Variants in RAI14 observed in about 807,000 individuals in gnomAD.
The protein encoded by RAI14 is ankycorbin.
A neutral mutation model predicts 115.4 loss-of-function variants in RAI14; 45 were observed. That is an observed-to-expected ratio of 0.39 (90% confidence interval 0.31 to 0.50). The LOEUF is 0.50. Among genes scored for constraint, RAI14 ranks in the 20% least tolerant of loss-of-function variants. The pLI, the probability that RAI14 is intolerant of heterozygous loss-of-function variation, is 0.85. For missense variants in RAI14, 939 were observed against 1,131.2 expected (o/e 0.83, Z 2.44); for synonymous variants, 371 against 415.4 (o/e 0.89, Z 1.30).
chr5:34,822,794 T>C (rs1033604956), intron 14 of RAI14, among the ~76,000 whole-genome samples, 162 bp from the exon 15 acceptor site: 1 of 147,250 alleles, frequency 6.8e-6, no homozygotes. Flanking sequence ...CGCCATTCTC[T>C]TGCCTCAGCC....
At chr5:34,705,656 AT>A (rs1235116912) in intron 2 of RAI14, among the ~76,000 whole-genome samples, 1 of 151,378 alleles carries the variant, frequency 6.6e-6, no homozygotes, top group African/African-American at 2.4e-5. Context: ...TTTTCTTTTT[AT>A]TTTTTTTGTG....
At chr5:34,773,794 T>C (rs986277776) in intron 3 of RAI14, among the ~76,000 whole-genome samples, 7 of 152,142 alleles carry the variant, frequency 4.6e-5, no homozygotes. Context: ...ACTCATACAC[T>C]GTTGGTGGGA....
chr5:34,771,648 C>T (rs1324641787), intron 3 of RAI14, among the ~76,000 whole-genome samples: 1 of 152,134 alleles, frequency 6.6e-6, no homozygotes, highest in Non-Finnish European at 1.5e-5. Flanking sequence ...AGCCTTGTCC[C>T]ATGGTATTTA....
intron 3 of RAI14, 39 bp from the exon 4 acceptor site, chr5:34,795,900 T>C: frequency 6.6e-7 from 1 of 1,525,798 alleles, no homozygotes; most frequent in African/African-American, 1.4e-5. Context: ...CATTAAAGAG[T>C]AGAAATCTCA....
chr5:34,830,781 A>C lies in RAI14; in HGVS notation c.*16A>C. On this transcript the variant is annotated 3_prime_UTR_variant, in exon 18 of 18. Transcript: ENST00000265109. ...AAAGAAGTAAAGTGGATTCCTTGGC[A>C]GGACACTGCCCCTTGTCATCTGTCT... The C allele has an allele frequency of 6.2e-7, 1 of 1,613,920 alleles. No individual in the cohort carries two copies. Among genetic ancestry groups the C allele is most frequent in the South Asian group, 1.1e-5 (1 of 91,044 alleles).
chr5:34,665,367 C>G (rs1201516901), intron 1 of RAI14, among the ~76,000 whole-genome samples: 1 of 150,624 alleles, frequency 6.6e-6, no homozygotes, highest in Non-Finnish European at 1.5e-5. Context: ...CTGTCCAGTT[C>G]CTTTTGCTGG....
At chr5:34,736,929 C>A (rs1744949767) in intron 2 of RAI14, among the ~76,000 whole-genome samples, 1 of 152,162 alleles carries the variant, frequency 6.6e-6, no homozygotes, top group African/African-American at 2.4e-5. Context: ...AGCCAGGCTG[C>A]ACAGCAGGAG....
At chr5:34,776,798 C>CTCCGTCT (rs200849101) in intron 3 of RAI14, among the ~76,000 whole-genome samples, 13 of 146,692 alleles carry the variant, frequency 8.9e-5, no homozygotes, top group Non-Finnish European at 1.2e-4. Flanking sequence ...CAGAGTGAGA[C>CTCCGTCT]CCTTTATTAA....
chr5:34,658,139 T>C (rs1561215629), intron 1 of RAI14, among the ~76,000 whole-genome samples: 1 of 152,152 alleles, frequency 6.6e-6, no homozygotes, highest in Non-Finnish European at 1.5e-5. Context: ...TTTATGGCTT[T>C]TTGGAGATGG....
At chr5:34,747,063 T>G (rs113847059) in intron 2 of RAI14, among the ~76,000 whole-genome samples, 451 of 152,314 alleles carry the variant, frequency 3.0e-3, no homozygotes, top group Non-Finnish European at 4.9e-3. Flanking sequence ...GTAAATCCAA[T>G]TGAACCTCTT....
chr5:34,737,636 G>C (rs1745034706), intron 2 of RAI14, among the ~76,000 whole-genome samples: 1 of 151,932 alleles, frequency 6.6e-6, no homozygotes, highest in African/African-American at 2.4e-5. Flanking sequence ...GCTTGCACCT[G>C]TAGTCTCAAC....
chr5:34,682,812 G>T (rs947355866), intron 1 of RAI14, among the ~76,000 whole-genome samples: 9 of 152,198 alleles, frequency 5.9e-5, no homozygotes, highest in Non-Finnish European at 8.8e-5. Flanking sequence ...GTACATACTC[G>T]AATTAGGCTG....
chr5:34,755,257 A>G (rs1747732813), intron 2 of RAI14, among the ~76,000 whole-genome samples: 1 of 152,140 alleles, frequency 6.6e-6, no homozygotes, highest in Non-Finnish European at 1.5e-5. Context: ...TTTCCCTTCA[A>G]CAGGAAGCTT....
At chr5:34,708,498 G>A (rs1306251072) in intron 2 of RAI14, among the ~76,000 whole-genome samples, 1 of 152,086 alleles carries the variant, frequency 6.6e-6, no homozygotes, top group South Asian at 2.1e-4. Flanking sequence ...CACCGCACCT[G>A]GCCAAAGGAA....
At chr5:34,787,929 T>TTTTTTTTTG in intron 3 of RAI14, among the ~76,000 whole-genome samples, 1 of 122,234 alleles carries the variant, frequency 8.2e-6, no homozygotes. Flanking sequence ...TTTTTTTTTT[T>TTTTTTTTTG]TTTTGAGACA....
At chr5:34,753,785 G>A (rs1239173732) in intron 2 of RAI14, among the ~76,000 whole-genome samples, 1 of 152,044 alleles carries the variant, frequency 6.6e-6, no homozygotes, top group Non-Finnish European at 1.5e-5. Context: ...GTGGTGGCAT[G>A]TGCCTGTAGT....
chr5:34,747,503 T>G (rs1378107486), intron 2 of RAI14, among the ~76,000 whole-genome samples: 2 of 152,210 alleles, frequency 1.3e-5, no homozygotes, highest in Non-Finnish European at 2.9e-5. Context: ...TGCCAAGCAC[T>G]TCACATAGTA....
intron 3 of RAI14, among the ~76,000 whole-genome samples, chr5:34,760,736 A>G (rs2150102443): frequency 6.6e-6 from 1 of 152,364 alleles, no homozygotes; most frequent in South Asian, 2.1e-4. Context: ...TTGTGGTAAA[A>G]TGCGTATAAC....
At chr5:34,706,556 A>C (rs2149947970) in intron 2 of RAI14, among the ~76,000 whole-genome samples, 1 of 152,288 alleles carries the variant, frequency 6.6e-6, no homozygotes. Context: ...TCGAACCCGG[A>C]GTTTGGGACT....
Sources: gnomAD v4.1 joint callset for allele counts (sites outside exome capture counted in the v4.1 genomes callset) on GRCh38, gnomAD v4.1.1 for gene constraint, MANE v1.5 for transcripts, NCBI Gene and HGNC (gene_info 2026-07-23, HGNC 2026-07-21) for gene names.